MAN2A1: variants seen among roughly 807,000 people sequenced by gnomAD.
MAN2A1 encodes the protein alpha-mannosidase 2.
In MAN2A1, 76 loss-of-function variants were observed where a neutral mutation model predicts 142.6. That is an observed-to-expected ratio of 0.53 (90% CI 0.44 to 0.65). The LOEUF is 0.65. Ranked by LOEUF, MAN2A1 falls within the 30% of genes least tolerant of loss-of-function variation. MAN2A1 has a pLI of 0.00. For synonymous variants in MAN2A1, 559 were observed against 473.2 expected (o/e 1.18, Z -2.35); for missense variants, 1,311 against 1,365.1 (o/e 0.96, Z 0.62).
intron 2 of MAN2A1, among the ~76,000 whole-genome samples, chr5:109,714,627 G>T (rs1465009789): frequency 6.6e-6 from 1 of 152,182 alleles, no homozygotes; most frequent in Admixed American, 6.5e-5. Flanking sequence ...TTAACCTTGT[G>T]CCTTAGACCA....
At chr5:109,825,960 G>A (rs1008207388) in intron 16 of MAN2A1, among the ~76,000 whole-genome samples, 1 of 131,656 alleles carries the variant, frequency 7.6e-6, no homozygotes, top group African/African-American at 2.9e-5. Context: ...AGGCTGGAGT[G>A]CAGTGGAGCG....
intron 9 of MAN2A1, 90 bp downstream of exon 9, chr5:109,781,688 TGTA>T (rs1478582869): frequency 2.4e-6 from 2 of 822,284 alleles, no homozygotes; most frequent in Non-Finnish European, 3.6e-6. Context: ...ACATCATTCA[TGTA>T]GTACATTATG....
chr5:109,706,528 A>G (rs996190595), intron 1 of MAN2A1, among the ~76,000 whole-genome samples: 3 of 152,256 alleles, frequency 2.0e-5, no homozygotes, highest in African/African-American at 7.2e-5. Flanking sequence ...TCACATGGCC[A>G]ATAAGTGCGG....
intron 3 of MAN2A1, among the ~76,000 whole-genome samples, chr5:109,716,502 G>C (rs189843021): frequency 9.3e-4 from 141 of 152,242 alleles, no homozygotes; most frequent in African/African-American, 3.2e-3. Context: ...AAAAAGAAGG[G>C]CTTGCCTTTG....
chr5:109,789,103 A>G, intron 11 of MAN2A1, 55 bp downstream of exon 11: 2 of 864,512 alleles, frequency 2.3e-6, no homozygotes, highest in Non-Finnish European at 3.7e-6. Context: ...TTGTTCTTGC[A>G]TTAGCAAAGA....
chr5:109,789,140 A>G, intron 11 of MAN2A1, 92 bp downstream of exon 11: 1 of 654,028 alleles, frequency 1.5e-6, no homozygotes, highest in Non-Finnish European at 2.6e-6. Context: ...GAAAAAAGAC[A>G]TTGAAATATA....
chr5:109,741,978 A>T lies in MAN2A1; in HGVS notation c.707+12465A>T, dbSNP rs1457908475. On this transcript the variant is annotated intron_variant, in intron 4 of 21. Coordinates refer to ENST00000261483, the MANE Select transcript of MAN2A1 (RefSeq NM_002372.4). The stretch of plus-strand genomic sequence containing the variant: ...AAAATGACTGGTGGTGTAATTTTTT[A>T]AAACTTTTTAGGCTTCACATTTGAA... Among the ~76,000 whole-genome samples the T allele has an allele frequency of 3.9e-5, 6 of 152,188 alleles. No individual in the cohort carries two copies. In the East Asian group the frequency reaches 1.2e-3, roughly 29 times the overall value.
chr5:109,740,618 C>T (rs948288280), intron 4 of MAN2A1, among the ~76,000 whole-genome samples: 4 of 152,164 alleles, frequency 2.6e-5, no homozygotes, highest in African/African-American at 7.2e-5. Flanking sequence ...GGGGGACTCA[C>T]ACAAGTGCCA....
At chr5:109,699,035 C>G (rs1032870741) in intron 1 of MAN2A1, among the ~76,000 whole-genome samples, 1 of 152,148 alleles carries the variant, frequency 6.6e-6, no homozygotes, top group African/African-American at 2.4e-5. Context: ...TCAATACCCC[C>G]TACTCTTCCC....
intron 4 of MAN2A1, among the ~76,000 whole-genome samples, chr5:109,731,362 T>C (rs902517666): frequency 1.7e-5 from 2 of 118,774 alleles, no homozygotes; most frequent in Admixed American, 8.0e-5. Context: ...GTTTCTTTTT[T>C]TTATTATTAT....
intron 6 of MAN2A1, among the ~76,000 whole-genome samples, chr5:109,769,412 T>C (rs1045422845): frequency 3.3e-5 from 5 of 152,224 alleles, no homozygotes; most frequent in African/African-American, 1.2e-4. Context: ...TTTTCACTTA[T>C]TAAAAATGTA....
At chr5:109,851,754 T>C (rs888107410) in intron 19 of MAN2A1, among the ~76,000 whole-genome samples, 1 of 152,174 alleles carries the variant, frequency 6.6e-6, no homozygotes, top group African/African-American at 2.4e-5. Context: ...CTGCTACTGG[T>C]TGGTTAATGA....
intron 3 of MAN2A1, among the ~76,000 whole-genome samples, chr5:109,718,958 G>T (rs534216054): frequency 7.3e-6 from 1 of 136,880 alleles, no homozygotes; most frequent in Admixed American, 7.2e-5. Flanking sequence ...CCTTCCTGAT[G>T]GCTACTTATT....
chr5:109,765,348 A>G (rs375084268), intron 5 of MAN2A1, among the ~76,000 whole-genome samples: 8 of 152,154 alleles, frequency 5.3e-5, no homozygotes, highest in African/African-American at 1.9e-4. Context: ...CAGTTTCTTG[A>G]TGATGGGATT....
chr5:109,812,462 T>TA (rs564095512), intron 12 of MAN2A1, among the ~76,000 whole-genome samples: 125 of 152,306 alleles, frequency 8.2e-4, no homozygotes, highest in Admixed American at 2.4e-3. Flanking sequence ...CAAATCTAGA[T>TA]ATTGCAACTT....
At chr5:109,806,834 T>A (rs1754178486) in intron 12 of MAN2A1, among the ~76,000 whole-genome samples, 1 of 152,204 alleles carries the variant, frequency 6.6e-6, no homozygotes, top group African/African-American at 2.4e-5. Context: ...TCCTTTTGAA[T>A]CTTTTCCTTG....
intron 17 of MAN2A1, among the ~76,000 whole-genome samples, chr5:109,843,991 A>G (rs1189386954): frequency 6.6e-6 from 1 of 152,210 alleles, no homozygotes; most frequent in Non-Finnish European, 1.5e-5. Context: ...AGTTAAATTT[A>G]AACTTTTTCC....
At chr5:109,829,442 G>T (rs952797212) in intron 16 of MAN2A1, among the ~76,000 whole-genome samples, 4 of 152,162 alleles carry the variant, frequency 2.6e-5, no homozygotes, top group African/African-American at 9.7e-5. Context: ...ATAACAAGCA[G>T]ATATTACTGT....
chr5:109,770,661 CA>C, intron 7 of MAN2A1, 120 bp downstream of exon 7: 4 of 875,448 alleles, frequency 4.6e-6, no homozygotes, highest in Non-Finnish European at 7.0e-6. Context: ...TTGAAGTATT[CA>C]TTCAAACCAG....
Sources: gnomAD v4.1 joint callset for allele counts (sites outside exome capture counted in the v4.1 genomes callset) on GRCh38, gnomAD v4.1.1 for gene constraint, MANE v1.5 for transcripts, NCBI Gene and HGNC (gene_info 2026-07-23, HGNC 2026-07-21) for gene names.